The following PLSCR2 variants were observed in gnomAD, a reference collection of about 807,000 sequenced individuals.
The protein encoded by PLSCR2 is PL scramblase 2.
In PLSCR2, 18 loss-of-function variants were observed where a neutral mutation model predicts 25.3. That is an observed-to-expected ratio of 0.71 (90% CI 0.49 to 1.06). PLSCR2 has a LOEUF of 1.06. Among genes scored for constraint, PLSCR2 ranks in the 50% least tolerant of loss-of-function variants. The pLI is 0.00. For missense variants in PLSCR2, 243 were observed against 269.5 expected, an observed-to-expected ratio of 0.90 and a Z score of 0.69; for synonymous variants, 88 against 87.3, an observed-to-expected ratio of 1.01 and a Z score of -0.04.
chr3:146,474,265 G>A (rs905330863), intron 1 of PLSCR2, among the ~76,000 whole-genome samples: 2 of 151,708 alleles, frequency 1.3e-5, no homozygotes, highest in Non-Finnish European at 2.9e-5. Flanking sequence ...TTTTTTTATT[G>A]TTGTCCTCTT....
chr3:146,393,804 G>A (rs62272150), intron 3 of PLSCR2, among the ~76,000 whole-genome samples: 1 of 139,666 alleles, frequency 7.2e-6, no homozygotes, highest in African/African-American at 2.7e-5. Flanking sequence ...CAGAGACTCC[G>A]TCTCAAAAAA....
downstream of PLSCR2, among the ~76,000 whole-genome samples, chr3:146,429,165 A>G (rs752458204): frequency 6.6e-6 from 1 of 152,226 alleles, no homozygotes; most frequent in Non-Finnish European, 1.5e-5. Flanking sequence ...TAGTGCCAGC[A>G]TCTGCTTCTG....
intron 2 of PLSCR2, among the ~76,000 whole-genome samples, chr3:146,408,699 G>A (rs1427192404): frequency 1.3e-5 from 2 of 152,050 alleles, no homozygotes; most frequent in Non-Finnish European, 2.9e-5. Context: ...GTCAAAAGGG[G>A]TGTAAATCCG....
At chr3:146,483,479 G>GTATATATATA (rs56655616) in intron 1 of PLSCR2, among the ~76,000 whole-genome samples, 717 of 54,700 alleles carry the variant, frequency 0.013, 21 homozygotes, top group African/African-American at 0.039. Context: ...ATATACATGT[G>GTATATATATA]TATATATATA....
chr3:146,489,168 G>A (rs747492083), intron 1 of PLSCR2, among the ~76,000 whole-genome samples: 8 of 152,028 alleles, frequency 5.3e-5, no homozygotes, highest in Non-Finnish European at 7.4e-5. Context: ...GCATGTTGGG[G>A]CAGTAGTAGG....
chr3:146,476,415 G>A (rs2042287124), intron 1 of PLSCR2, among the ~76,000 whole-genome samples: 1 of 152,210 alleles, frequency 6.6e-6, no homozygotes, highest in South Asian at 2.1e-4. Context: ...CCACTTGTGA[G>A]CCCATGCTAC....
intron 3 of PLSCR2, among the ~76,000 whole-genome samples, chr3:146,456,506 T>C (rs1194330080): frequency 6.6e-6 from 1 of 152,246 alleles, no homozygotes; most frequent in African/African-American, 2.4e-5. Flanking sequence ...TGTGGTCATC[T>C]ATTATCCAAC....
chr3:146,473,506 A>C (rs896279398), intron 1 of PLSCR2, among the ~76,000 whole-genome samples: 1 of 151,948 alleles, frequency 6.6e-6, no homozygotes, highest in African/African-American at 2.4e-5. Context: ...GGGTTTCGCC[A>C]TGTTGGTCAG....
chr3:146,407,213 A>C (rs969624445), intron 2 of PLSCR2, among the ~76,000 whole-genome samples: 12 of 152,266 alleles, frequency 7.9e-5, no homozygotes, highest in African/African-American at 2.6e-4. Context: ...CTTCCATTGA[A>C]TGTTTAACAC....
intron 5 of PLSCR2, among the ~76,000 whole-genome samples, chr3:146,452,934 AT>A (rs2040987053): frequency 6.6e-6 from 1 of 151,804 alleles, no homozygotes; most frequent in South Asian, 2.1e-4. Flanking sequence ...TCCAATGCAT[AT>A]TATCATATAT....
chr3:146,466,840 A>G (rs1287680853), intron 1 of PLSCR2, among the ~76,000 whole-genome samples: 1 of 152,196 alleles, frequency 6.6e-6, no homozygotes, highest in African/African-American at 2.4e-5. Context: ...AAACAAACAA[A>G]AAACCCCACA....
At chr3:146,488,251 A>T (rs80245944) in intron 1 of PLSCR2, among the ~76,000 whole-genome samples, 2,293 of 152,210 alleles carry the variant, frequency 0.015, 69 homozygotes, top group African/African-American at 0.051. Flanking sequence ...AGGCAATGCC[A>T]TTTAGGACAA....
At chr3:146,467,858 G>A (rs1053346050) in intron 1 of PLSCR2, among the ~76,000 whole-genome samples, 7 of 152,122 alleles carry the variant, frequency 4.6e-5, no homozygotes, top group Non-Finnish European at 1.0e-4. Flanking sequence ...CTCACTAGTA[G>A]AAGTCCTAAG....
intron 2 of PLSCR2, among the ~76,000 whole-genome samples, chr3:146,459,321 T>C (rs776496704): frequency 3.9e-5 from 6 of 152,210 alleles, no homozygotes; most frequent in Non-Finnish European, 7.3e-5. Flanking sequence ...CTCTAAACTT[T>C]ACATGTCTTT....
chr3:146,447,499 C>T (rs1680102772), intron 6 of PLSCR2, among the ~76,000 whole-genome samples: 1 of 152,178 alleles, frequency 6.6e-6, no homozygotes, highest in Non-Finnish European at 1.5e-5. Context: ...TGTCTGGGTG[C>T]TAGGGCCTCG....
intron 1 of PLSCR2, among the ~76,000 whole-genome samples, chr3:146,483,564 AG>A (rs1357924205): frequency 4.8e-5 from 7 of 145,642 alleles, no homozygotes; most frequent in Non-Finnish European, 1.0e-4. Flanking sequence ...TCCCCGAGGA[AG>A]GAGCAGGCAC....
chr3:146,431,804 C>T (rs1294382458), downstream of PLSCR2, among the ~76,000 whole-genome samples: 7 of 151,120 alleles, frequency 4.6e-5, no homozygotes, highest in African/African-American at 7.3e-5. Flanking sequence ...CTATGAACTG[C>T]GTAAACACAA....
rs558364363 is a variant in PLSCR2, at chr3:146,486,776, C to T, written c.-293+9119G>A. Among the ~76,000 whole-genome samples the T allele has an allele frequency of 2.0e-5, 3 of 152,150 alleles. No individual in the cohort carries two copies. The East Asian group carries it at 5.8e-4, about 29-fold the overall frequency. ...GGTACCATTCGTTCTGAAACTATTC[C>T]AAACAACTGAAAGGAAGGACTCCTC... On this transcript the variant is annotated intron_variant, in intron 1 of 8. Coordinates refer to the PLSCR2 transcript ENST00000336685.
intron 2 of PLSCR2, among the ~76,000 whole-genome samples, chr3:146,411,360 C>G (rs1371158020): frequency 6.6e-6 from 1 of 152,194 alleles, no homozygotes; most frequent in Non-Finnish European, 1.5e-5. Context: ...GGCCGCTTCC[C>G]TCTTACCAGA....
Sources: gnomAD v4.1 joint callset for allele counts (sites outside exome capture counted in the v4.1 genomes callset) on GRCh38, gnomAD v4.1.1 for gene constraint, MANE v1.5 for transcripts, NCBI Gene and HGNC (gene_info 2026-07-23, HGNC 2026-07-21) for gene names.